Variants in ANAPC10 observed in about 807,000 individuals in gnomAD.
ANAPC10 encodes anaphase-promoting complex subunit 10.
Under a neutral mutation model 22.0 loss-of-function variants are expected in ANAPC10, and 12 were observed. The ratio of observed to expected loss-of-function variants is 0.55; its 90% CI spans 0.35 to 0.88. The LOEUF (loss-of-function observed/expected upper bound fraction) is 0.88. Ranked by LOEUF, ANAPC10 falls within the 40% of genes least tolerant of loss-of-function variation. The pLI is 0.01. For synonymous variants in ANAPC10, 65 were observed against 69.5 expected (o/e 0.94, Z 0.32); for missense variants, 188 against 220.9 (o/e 0.85, Z 0.94).
At chr4:145,008,801 C>T (rs575814520) in intron 4 of ANAPC10, among the ~76,000 whole-genome samples, 1 of 152,268 alleles carries the variant, frequency 6.6e-6, no homozygotes, top group East Asian at 1.9e-4. Flanking sequence ...CCCTCTCTCA[C>T]CACTCCTATT....
chr4:145,096,106 A>T lies in ANAPC10; in HGVS notation c.-7T>A. ...TCTTGTTTGGTGTAGTCATTTTTAA[A>T]ATATTCTATGTAGAAAACAAGAATG... is the stretch of plus-strand genomic sequence containing the variant. On this transcript the variant is annotated 5_prime_UTR_variant, in exon 2 of 5. Transcript: ENST00000507656. 1 of 1,613,434 alleles carries T rather than the reference A, an allele frequency of 6.2e-7. No homozygotes were observed. The highest frequency in any genetic ancestry group is 8.5e-7 in the Non-Finnish European group (1 of 1,179,866).
intron 4 of ANAPC10, among the ~76,000 whole-genome samples, chr4:145,019,540 G>C (rs966353124): frequency 6.6e-6 from 1 of 152,042 alleles, no homozygotes; most frequent in Non-Finnish European, 1.5e-5. Context: ...CAAGGAACTA[G>C]AGAAACACGA....
At chr4:145,015,798 C>T (rs1033644259) in intron 4 of ANAPC10, among the ~76,000 whole-genome samples, 1 of 152,112 alleles carries the variant, frequency 6.6e-6, no homozygotes, top group South Asian at 2.1e-4. Context: ...CTTCCTCAAA[C>T]AAAATTATCA....
chr4:145,078,787 T>A (rs2126571472), intron 3 of ANAPC10, among the ~76,000 whole-genome samples: 1 of 152,320 alleles, frequency 6.6e-6, no homozygotes, highest in East Asian at 1.9e-4. Flanking sequence ...AGGAACTCCC[T>A]ATTCAATAAA....
chr4:145,007,265 G>C (rs748745055), intron 4 of ANAPC10, among the ~76,000 whole-genome samples: 1 of 152,068 alleles, frequency 6.6e-6, no homozygotes, highest in South Asian at 2.1e-4. Context: ...TTCAGGACTT[G>C]AACTCAGCTA....
At chr4:145,044,346 A>G (rs1739971247) in intron 4 of ANAPC10, among the ~76,000 whole-genome samples, 1 of 152,118 alleles carries the variant, frequency 6.6e-6, no homozygotes. Context: ...TGAAAAATTT[A>G]AAGACAGTAC....
chr4:145,024,508 A>G (rs964165535), intron 4 of ANAPC10, among the ~76,000 whole-genome samples: 1 of 152,216 alleles, frequency 6.6e-6, no homozygotes, highest in Admixed American at 6.5e-5. Flanking sequence ...AAACATGAAA[A>G]CATTAATTTC....
At chr4:145,032,033 G>A (rs1391732880) in intron 4 of ANAPC10, among the ~76,000 whole-genome samples, 2 of 152,262 alleles carry the variant, frequency 1.3e-5, no homozygotes, top group South Asian at 2.1e-4. Flanking sequence ...GAAGTGGCTC[G>A]AATGCCCATG....
chr4:145,070,971 G>A lies in ANAPC10; in HGVS notation c.207-6279C>T, dbSNP rs1579104383. ...ACACAGAGGCAAAAAATAAAACAGC[G>A]ATTATCATGGGCTGGAGAGAAAAGG... On this transcript the variant is annotated intron_variant, in intron 3 of 4. Transcript: ENST00000507656. Among the ~76,000 whole-genome samples the A allele has an allele frequency of 2.0e-5, 3 of 152,056 alleles. No homozygotes were observed. The South Asian group carries it at 6.2e-4, about 31-fold the overall frequency.
chr4:145,090,810 GTA>G (rs1747563884), intron 2 of ANAPC10, among the ~76,000 whole-genome samples: 1 of 152,132 alleles, frequency 6.6e-6, no homozygotes, highest in South Asian at 2.1e-4. Context: ...ACATTATGTA[GTA>G]ATAGTTTAAA....
intron 4 of ANAPC10, among the ~76,000 whole-genome samples, chr4:145,005,812 A>T (rs1314417166): frequency 6.7e-6 from 1 of 150,098 alleles, no homozygotes; most frequent in Non-Finnish European, 1.5e-5. Flanking sequence ...ATTGCATTGT[A>T]GTCTAAGGAC....
chr4:145,035,994 G>T (rs1199534291), intron 4 of ANAPC10, among the ~76,000 whole-genome samples: 1 of 152,074 alleles, frequency 6.6e-6, no homozygotes, highest in Admixed American at 6.6e-5. Context: ...TTTCAAGAAA[G>T]AGTTTATAAT....
At chr4:145,046,268 C>A (rs1355429889) in intron 4 of ANAPC10, among the ~76,000 whole-genome samples, 4 of 152,010 alleles carry the variant, frequency 2.6e-5, no homozygotes, top group Admixed American at 1.3e-4. Flanking sequence ...TTTTAAAATG[C>A]CCATTTATAC....
chr4:145,056,621 G>A (rs1250926241), intron 4 of ANAPC10, among the ~76,000 whole-genome samples: 1 of 152,110 alleles, frequency 6.6e-6, no homozygotes. Context: ...CTATAGTGTG[G>A]AAATCCCCGA....
At chr4:145,068,424 G>A (rs572787811) in intron 3 of ANAPC10, among the ~76,000 whole-genome samples, 17 of 152,148 alleles carry the variant, frequency 1.1e-4, no homozygotes, top group African/African-American at 3.1e-4. Context: ...TGTGATAGAC[G>A]ATAGCTTTAC....
chr4:145,046,114 C>T (rs762004700), intron 4 of ANAPC10, among the ~76,000 whole-genome samples: 9 of 152,210 alleles, frequency 5.9e-5, no homozygotes, highest in Non-Finnish European at 1.2e-4. Context: ...TCTGCCTTCA[C>T]ATTGGCTACA....
At chr4:145,014,655 T>C (rs1169523999) in intron 4 of ANAPC10, among the ~76,000 whole-genome samples, 1 of 152,028 alleles carries the variant, frequency 6.6e-6, no homozygotes, top group Admixed American at 6.6e-5. Context: ...CATTAAACCA[T>C]CAAAGCTAAG....
rs1346526870 is a variant in ANAPC10 at position 145,040,123 on chromosome 4, GTGTGTA to G, written c.327+24443_327+24448del. ...CTATTGTATGCTTTTGTTTTAGTGT[GTGTGTA>G]TGTGTGTGTGTGTGTGTGTGTGTGT... is the stretch of plus-strand genomic sequence containing the variant. On this transcript the variant is annotated intron_variant, in intron 4 of 4. Coordinates refer to ENST00000507656, the MANE Select transcript of ANAPC10 (RefSeq NM_001256706.2). 5.6e-3 allele frequency among the ~76,000 whole-genome samples: 306 copies of G among 54,244 alleles called. 1 individual carries two copies. The highest frequency in any genetic ancestry group is 2.3e-3 in the Non-Finnish European group (61 of 26,862). The allele number at this position is 54,244 out of a possible 152,430, so 35.6% of individuals were successfully genotyped here.
intron 4 of ANAPC10, among the ~76,000 whole-genome samples, chr4:145,010,101 T>C (rs1734059876): frequency 6.6e-6 from 1 of 152,066 alleles, no homozygotes; most frequent in Non-Finnish European, 1.5e-5. Context: ...ATCAGAGAAA[T>C]GCAAATCAAA....
Sources: gnomAD v4.1 joint callset for allele counts (sites outside exome capture counted in the v4.1 genomes callset) on GRCh38, gnomAD v4.1.1 for gene constraint, MANE v1.5 for transcripts, NCBI Gene and HGNC (gene_info 2026-07-23, HGNC 2026-07-21) for gene names.